STRN4: variants seen among roughly 807,000 people sequenced by gnomAD.
The protein encoded by STRN4 is striatin-4.
Under a neutral mutation model 77.9 loss-of-function variants are expected in STRN4, and 27 were observed. That is an observed-to-expected ratio of 0.35 (90% CI 0.26 to 0.48). STRN4 has a LOEUF of 0.48. Ranked by LOEUF, STRN4 falls within the 20% of genes least tolerant of loss-of-function variation. STRN4 has a pLI of 0.99. For missense variants in STRN4, 798 were observed against 1,049.7 expected (o/e 0.76, Z 3.31); for synonymous variants, 466 against 443.1 (o/e 1.05, Z -0.65).
rs1179519325 is a variant in STRN4, at chr19:46,746,405, G to T, written c.26C>A (p.Ala9Glu). 4.1e-5 allele frequency: 43 copies of T among 1,052,072 alleles called. No individual in the cohort carries two copies. The highest frequency in any genetic ancestry group is 4.5e-5 in the Non-Finnish European group (39 of 876,216). 65.2% of individuals were successfully genotyped at this position (1,052,072 alleles called of 1,614,324 possible). Residue 9 changes from alanine to glutamate, a missense_variant, in exon 1 of 18, where the codon GCG (alanine) becomes GAG (glutamate). Physicochemically the swap from Ala to Glu is moderately radical, Grantham distance 107. Transcript: ENST00000263280. ...GCAGGAGGAGGCGGCGGCGGCGACC[G>T]CGGCGGCCGCTCGCTCCTCCATCAT... is the stretch of plus-strand genomic sequence containing the variant. MMEERAAA[A>E]VAAAASSCRP... is the part of the protein sequence containing the mutation.
In STRN4 at chr19:46,733,022, C is replaced by A; in HGVS notation, c.737+17G>T. 1 of 1,599,696 alleles carries A rather than the reference C, an allele frequency of 6.3e-7. No individual in the cohort carries two copies. The highest frequency in any genetic ancestry group is 1.1e-5 in the South Asian group (1 of 90,404). On this transcript the variant is annotated intron_variant, in intron 5 of 17. Transcript: ENST00000263280. The surrounding 1 kb of genome is among the most constrained non-coding windows in gnomAD (Gnocchi z 4.3). ...AGGAGGAACAGAGAGACACACCTGC[C>A]ATGTCCACGGGCTCACCTCTTTATC...
rs1003468274 is a variant in STRN4, at chr19:46,741,701, G to A, written c.283-2813C>T. The stretch of plus-strand genomic sequence containing the variant: ...GATACCTGGCAGCTACTGCCTCTCC[G>A]CCCCTCCAGCTATTCCCAGCAAGGC... On this transcript the variant is annotated intron_variant, in intron 1 of 17. Transcript: ENST00000263280. The surrounding 1 kb of genome is among the most constrained non-coding windows in gnomAD (Gnocchi z 4.9). Among the ~76,000 whole-genome samples the A allele has an allele frequency of 3.9e-5, 6 of 152,136 alleles. No homozygotes were observed. Among genetic ancestry groups the A allele is most frequent in the Admixed American group, 6.6e-5 (1 of 15,264 alleles).
At chr19:46,743,755 C>A (rs1306951266) in intron 1 of STRN4, among the ~76,000 whole-genome samples, 1 of 151,944 alleles carries the variant, frequency 6.6e-6, no homozygotes, top group Non-Finnish European at 1.5e-5. Context: ...CAAAAATCAG[C>A]CAGGCGTGGT....
rs1355414066 is a variant in STRN4 at position 46,719,528 on chromosome 19, T to C, written c.*877A>G. On this transcript the variant is annotated 3_prime_UTR_variant, in exon 18 of 18. Coordinates refer to ENST00000263280, the MANE Select transcript of STRN4 (RefSeq NM_013403.3). ...CACCCATCTTACTCCAAAGGGTTTA[T>C]TGAGACAAGTTTTCACATACAAGAT... is the stretch of plus-strand genomic sequence containing the variant. The C allele has an allele frequency of 2.0e-5, 3 of 152,562 alleles. No homozygotes were observed. Among genetic ancestry groups the C allele is most frequent in the Admixed American group, 6.5e-5 (1 of 15,276 alleles). The allele number at this position is 152,562 out of a possible 1,614,324, so 9.5% of individuals were successfully genotyped here. A position where few individuals can be genotyped will look rare whatever the true frequency, so the allele number is the denominator to read the frequency against.
Position 46,738,068 on chromosome 19 carries a change from G to T in STRN4, c.460+96C>A. On this transcript the variant is annotated intron_variant, in intron 3 of 17. Transcript: ENST00000263280. The surrounding 1 kb of genome is among the most constrained non-coding windows in gnomAD (Gnocchi z 4.5). Reference sequence around the variant, plus strand: ...CGGGGCCGATTCTGCCTTCTAAGGAGCAAAGTGAGAAAGAGGCACCCCATC... The same window carrying T: ...CGGGGCCGATTCTGCCTTCTAAGGATCAAAGTGAGAAAGAGGCACCCCATC... The T allele has an allele frequency of 7.8e-7, 1 of 1,288,382 alleles. No homozygotes were observed. The allele number at this position is 1,288,382 out of a possible 1,614,324, so 79.8% of individuals were successfully genotyped here. A position where few individuals can be genotyped will look rare whatever the true frequency, so the allele number is the denominator to read the frequency against.
chr19:46,724,249 C>CAAAAAAAAAAAAAAAAAA (rs71970589), intron 12 of STRN4, among the ~76,000 whole-genome samples: 3 of 87,182 alleles, frequency 3.4e-5, no homozygotes, highest in African/African-American at 1.5e-4. Context: ...CTCTTTGTCT[C>CAAAAAAAAAAAAAAAAAA]AAAAAAAAAA....
rs368429401 is a variant in STRN4 at position 46,729,494 on chromosome 19, G to C, written c.880-717C>G. Among the ~76,000 whole-genome samples, 450 of 152,278 alleles carry C rather than the reference G, an allele frequency of 3.0e-3. 1 individual carries two copies. The highest frequency in any genetic ancestry group is 0.01 in the African/African-American group (421 of 41,566). On this transcript the variant is annotated intron_variant, in intron 6 of 17. Transcript: ENST00000263280. ...GGCCAGCCTCTGACCTGCATGGGGG[G>C]GACCAGAGGGAAGGGGCATGGAGAA... is the stretch of plus-strand genomic sequence containing the variant.
Position 46,724,699 on chromosome 19 carries a change from TC to T in STRN4, c.1594+107del, listed in dbSNP as rs1246724624. ...CAGACAGGGGAGCCGTCACACGCAC[TC>T]CTGAGGCCTGCAGTGTTGGCAAGAG... is the stretch of plus-strand genomic sequence containing the variant. On this transcript the variant is annotated intron_variant, in intron 12 of 17. Transcript: ENST00000263280. The T allele has an allele frequency of 7.2e-6, 11 of 1,526,902 alleles. No homozygotes were observed. In the Middle Eastern group the frequency reaches 1.1e-3, roughly 146 times the overall value. 94.6% of individuals were successfully genotyped at this position (1,526,902 alleles called of 1,614,324 possible). A position where few individuals can be genotyped will look rare whatever the true frequency, so the allele number is the denominator to read the frequency against.
At chr19:46,746,003 C>T in intron 1 of STRN4, 146 bp downstream of exon 1, 1 of 1,066,436 alleles carries the variant, frequency 9.4e-7, no homozygotes, top group Non-Finnish European at 1.2e-6. Context: ...CCCTCACTCG[C>T]CCTCCGGGAC....
chr19:46,730,857 CT>C lies in STRN4; in HGVS notation c.753del (p.Asp252MetfsTer41). ...EEQIKRNAAG[K>X]DGKERLGGSV... ...GAGCCGCCCAAGCGCTCTTTGCCATCTTTGCCTGCCGCGTTCCTGCCAAAGA... is the reference window on the plus strand; with the variant it reads ...GAGCCGCCCAAGCGCTCTTTGCCATCTTGCCTGCCGCGTTCCTGCCAAAGA... On this transcript the variant is annotated frameshift_variant, in exon 6 of 18. Coordinates refer to ENST00000263280, the MANE Select transcript of STRN4 (RefSeq NM_013403.3). LOFTEE classifies it high-confidence loss of function. 6.2e-7 allele frequency: 1 copy of C among 1,611,496 alleles called. No individual in the cohort carries two copies.
At position 46,722,800 on chromosome 19, in the gene STRN4, GC is replaced by G. The variant is rs1167870370; in HGVS notation, c.1906+9del. 6.2e-7 allele frequency: 1 copy of G among 1,613,214 alleles called. No individual in the cohort carries two copies. Among genetic ancestry groups the G allele is most frequent in the Non-Finnish European group, 8.5e-7 (1 of 1,179,694 alleles). ...AGACCAATTCCATGAGCTGATGTCA[GC>G]CCCCTTACCGCTGCTGCCCCGGGAC... On this transcript the variant is annotated intron_variant, in intron 14 of 17. Coordinates refer to ENST00000263280, the MANE Select transcript of STRN4 (RefSeq NM_013403.3).
intron 4 of STRN4, among the ~76,000 whole-genome samples, chr19:46,735,965 A>AAAT (rs1201845010): frequency 6.7e-6 from 1 of 149,184 alleles, no homozygotes; most frequent in Non-Finnish European, 1.5e-5. Context: ...ACTCTGTCTC[A>AAAT]AATAATAATA....
rs1416492194 is a variant in STRN4 at position 46,733,276 on chromosome 19, G to A, written c.540-40C>T. 2.5e-6 allele frequency: 4 copies of A among 1,586,152 alleles called. No homozygotes were observed. The highest frequency in any genetic ancestry group is 3.4e-6 in the Non-Finnish European group (4 of 1,168,028). On this transcript the variant is annotated intron_variant, in intron 4 of 17. Coordinates refer to ENST00000263280, the MANE Select transcript of STRN4 (RefSeq NM_013403.3). This position sits in a 1 kb window ranked among gnomAD's most constrained non-coding sequence, Gnocchi z 4.3. ...AGCCACGTGGGTCAGACATCCCCTGGGCTTCTTCATGTACCACAGGGGCCA... is the reference window on the plus strand; with the variant it reads ...AGCCACGTGGGTCAGACATCCCCTGAGCTTCTTCATGTACCACAGGGGCCA...
At chr19:46,743,078 C>T (rs1222130594) in intron 1 of STRN4, among the ~76,000 whole-genome samples, 2 of 152,172 alleles carry the variant, frequency 1.3e-5, no homozygotes, top group Non-Finnish European at 2.9e-5. Context: ...GTTCTCTGTG[C>T]TGATATGAAA....
intron 1 of STRN4, 53 bp downstream of exon 1, chr19:46,746,096 G>T: frequency 7.1e-7 from 1 of 1,400,460 alleles, no homozygotes; most frequent in Non-Finnish European, 9.3e-7. Flanking sequence ...AGCGGGTGAG[G>T]CCGGGCCGGG....
Position 46,746,039 on chromosome 19 carries a change from G to C in STRN4, c.282+110C>G, listed in dbSNP as rs12984041. The C allele has an allele frequency of 0.51, 454,122 of 891,850 alleles. 120,562 individuals are homozygous for C. The highest frequency in any genetic ancestry group is 0.71 in the African/African-American group (37,665 of 53,228). The allele number at this position is 891,850 out of a possible 1,614,324, so 55.2% of individuals were successfully genotyped here. A position where few individuals can be genotyped will look rare whatever the true frequency, so the allele number is the denominator to read the frequency against. ...CGTCGCGGTCCCCTCCCGCCCCCCCGCCGGCCGTCCCGGCGGCCATTGCTC... is the reference window on the plus strand; with the variant it reads ...CGTCGCGGTCCCCTCCCGCCCCCCCCCCGGCCGTCCCGGCGGCCATTGCTC... On this transcript the variant is annotated intron_variant, in intron 1 of 17. Coordinates refer to ENST00000263280, the MANE Select transcript of STRN4 (RefSeq NM_013403.3).
chr19:46,725,167 T>C (rs1351549875), intron 11 of STRN4, among the ~76,000 whole-genome samples, 165 bp downstream of exon 11: 1 of 148,324 alleles, frequency 6.7e-6, no homozygotes, highest in Non-Finnish European at 1.5e-5. Flanking sequence ...AAAGTCAGCA[T>C]GGAGCCCCAA....
In STRN4 at chr19:46,722,487, C is replaced by T. The variant is rs1308664509; in HGVS notation, c.1907-147G>A. ...GGGCGAGGGCACTCCGGTCCCCGAC[C>T]GCAGCGCTGGTTCTGCACAAGCAGC... On this transcript the variant is annotated intron_variant, in intron 14 of 17. Transcript: ENST00000263280. 1.9e-5 allele frequency: 17 copies of T among 878,846 alleles called. No individual in the cohort carries two copies. In the Admixed American group the frequency reaches 2.2e-4, roughly 11 times the overall value. 54.4% of individuals were successfully genotyped at this position (878,846 alleles called of 1,614,324 possible).
At chr19:46,740,191 A>C (rs2054448645) in intron 1 of STRN4, 1 of 152,240 alleles carries the variant, frequency 6.6e-6, no homozygotes, top group South Asian at 2.1e-4. Flanking sequence ...CGGGAGGCTG[A>C]GGCAGGAGAA....
Sources: gnomAD v4.1 joint callset for allele counts (sites outside exome capture counted in the v4.1 genomes callset) on GRCh38, gnomAD v4.1.1 for gene constraint, Gnocchi (gnomAD v3.1) non-coding constraint, MANE v1.5 for transcripts, NCBI Gene and HGNC (gene_info 2026-07-23, HGNC 2026-07-21) for gene names.